ATP9A: variants seen among roughly 807,000 people sequenced by gnomAD.
ATP9A encodes the protein probable phospholipid-transporting ATPase IIA.
ATP9A carries 52 observed loss-of-function variants against 144.1 expected under a neutral mutation model. The ratio of observed to expected loss-of-function variants is 0.36; its 90% confidence interval spans 0.29 to 0.45. The LOEUF is 0.45. Ranked by LOEUF, ATP9A falls within the 20% of genes least tolerant of loss-of-function variation. The pLI, the probability that ATP9A is intolerant of heterozygous loss-of-function variation, is 1.00. For missense variants in ATP9A, 947 were observed against 1,392.7 expected (o/e 0.68, Z 5.09); for synonymous variants, 582 against 557.4 (o/e 1.04, Z -0.62).
chr20:51,665,175 C>T (rs2077427562), intron 13 of ATP9A, among the ~76,000 whole-genome samples: 1 of 151,394 alleles, frequency 6.6e-6, no homozygotes, highest in African/African-American at 2.4e-5. Context: ...TTGTTTGATT[C>T]TATTTATAGG....
At chr20:51,693,575 G>A (rs74620626) in intron 7 of ATP9A, among the ~76,000 whole-genome samples, 1,728 of 152,192 alleles carry the variant, frequency 0.011, 41 homozygotes, top group African/African-American at 0.04. Flanking sequence ...TGCCCAGGCT[G>A]GAGTGCAGTT....
intron 3 of ATP9A, among the ~76,000 whole-genome samples, chr20:51,719,418 T>C (rs947817133): frequency 2.0e-5 from 3 of 152,178 alleles, no homozygotes; most frequent in African/African-American, 7.2e-5. Context: ...AAAAACTATG[T>C]GTATCTTATT....
chr20:51,765,565 T>C (rs1198587475), intron 1 of ATP9A, among the ~76,000 whole-genome samples: 1 of 144,502 alleles, frequency 6.9e-6, no homozygotes, highest in Non-Finnish European at 1.5e-5. Flanking sequence ...TCAAGGAGAA[T>C]CGCTTGAACC....
intron 1 of ATP9A, among the ~76,000 whole-genome samples, chr20:51,750,904 G>A (rs2077828668): frequency 6.6e-6 from 1 of 152,152 alleles, no homozygotes; most frequent in South Asian, 2.1e-4. Flanking sequence ...AAGCCCACCT[G>A]CCTCCTCCCT....
chr20:51,641,948 C>T (rs1365733124), intron 14 of ATP9A, among the ~76,000 whole-genome samples: 2 of 151,984 alleles, frequency 1.3e-5, no homozygotes, highest in Non-Finnish European at 2.9e-5. Context: ...CCTGCCTCCC[C>T]TACTCCCCCT....
intron 9 of ATP9A, among the ~76,000 whole-genome samples, chr20:51,679,481 T>A (rs1346582267): frequency 2.0e-5 from 3 of 151,998 alleles, no homozygotes; most frequent in African/African-American, 4.8e-5. Context: ...ATGGTCCCCA[T>A]CCACCACTAT....
intron 14 of ATP9A, among the ~76,000 whole-genome samples, chr20:51,656,679 G>A (rs1027276432): frequency 3.9e-5 from 6 of 152,228 alleles, no homozygotes; most frequent in Non-Finnish European, 7.4e-5. Context: ...ATGGGACCTT[G>A]TGCCCTGTTA....
intron 9 of ATP9A, among the ~76,000 whole-genome samples, chr20:51,685,447 A>G (rs1282626596): frequency 6.6e-6 from 1 of 151,782 alleles, no homozygotes; most frequent in Non-Finnish European, 1.5e-5. Flanking sequence ...CTATAATCCC[A>G]GCTACTCGGG....
chr20:51,740,059 G>A (rs971702336), intron 1 of ATP9A, among the ~76,000 whole-genome samples: 1 of 152,032 alleles, frequency 6.6e-6, no homozygotes, highest in Non-Finnish European at 1.5e-5. Flanking sequence ...TTGTTTCACT[G>A]TTATTTATTT....
chr20:51,745,610 C>G (rs1040396608), intron 1 of ATP9A, among the ~76,000 whole-genome samples: 2 of 152,074 alleles, frequency 1.3e-5, no homozygotes, highest in Non-Finnish European at 2.9e-5. Context: ...GCCAGGGATA[C>G]TGCTAAACAT....
intron 14 of ATP9A, among the ~76,000 whole-genome samples, chr20:51,651,153 C>CATAT (rs1433056143): frequency 6.9e-5 from 4 of 58,366 alleles, no homozygotes; most frequent in African/African-American, 1.8e-4. Flanking sequence ...TCTCTCTCTC[C>CATAT]ATATATATAT....
intron 1 of ATP9A, among the ~76,000 whole-genome samples, chr20:51,736,194 G>A (rs1456679683): frequency 1.3e-5 from 2 of 152,198 alleles, no homozygotes; most frequent in Non-Finnish European, 2.9e-5. Flanking sequence ...TGCAAAGACT[G>A]GCTGCAGCAG....
chr20:51,620,735 C>G (rs1005083655), intron 19 of ATP9A, among the ~76,000 whole-genome samples: 2 of 152,020 alleles, frequency 1.3e-5, no homozygotes, highest in African/African-American at 4.8e-5. Context: ...TGCAAAAAAC[C>G]GGATACTCGA....
intron 26 of ATP9A, 123 bp from the exon 27 acceptor site, chr20:51,605,143 G>C (rs917930918): frequency 5.1e-6 from 4 of 791,262 alleles, no homozygotes; most frequent in Non-Finnish European, 7.5e-6. Context: ...TGTTACATGA[G>C]GTTAATGACT....
At chr20:51,766,493 T>A (rs952897037) in intron 1 of ATP9A, among the ~76,000 whole-genome samples, 3 of 152,196 alleles carry the variant, frequency 2.0e-5, no homozygotes, top group Admixed American at 1.3e-4. Flanking sequence ...TTACGGAGGA[T>A]GTACGATGTA....
At chr20:51,617,362 G>A in intron 22 of ATP9A, 128 bp downstream of exon 22, 1 of 965,158 alleles carries the variant, frequency 1.0e-6, no homozygotes, top group Non-Finnish European at 1.6e-6. Context: ...AGGTAACTGT[G>A]ACACATGATT....
In ATP9A at chr20:51,688,938, G is replaced by C. The variant is rs1303418070; in HGVS notation, c.799+126C>G. The stretch of plus-strand genomic sequence containing the variant: ...GTCAGTTTAATTCCCTGGAGGTGTC[G>C]GAACAAGTGGAAAATGCCATTTGAC... On this transcript the variant is annotated intron_variant, in intron 9 of 27. Transcript: ENST00000338821. 10 of 1,047,626 alleles carry C rather than the reference G, an allele frequency of 9.5e-6. No homozygotes were observed. In the East Asian group the frequency reaches 2.1e-4, roughly 22 times the overall value. 64.9% of individuals were successfully genotyped at this position (1,047,626 alleles called of 1,614,324 possible). A position where few individuals can be genotyped will look rare whatever the true frequency, so the allele number is the denominator to read the frequency against.
chr20:51,668,986 T>C (rs757159460), intron 13 of ATP9A, among the ~76,000 whole-genome samples: 1 of 152,240 alleles, frequency 6.6e-6, no homozygotes, highest in Non-Finnish European at 1.5e-5. Context: ...TATTTCTTAC[T>C]GGTCTTCTGA....
Position 51,606,996 on chromosome 20 carries a change from GC to G in ATP9A, c.2803+530del, listed in dbSNP as rs577906815. On this transcript the variant is annotated intron_variant, in intron 26 of 27. Coordinates refer to ENST00000338821, the MANE Select transcript of ATP9A (RefSeq NM_006045.3). ...TAGAAATACTAAAAAAGGATTCTGG[GC>G]ATGGTGGCTTTGCCCTGTGTCTCAA... is the stretch of plus-strand genomic sequence containing the variant. Among the ~76,000 whole-genome samples the G allele has an allele frequency of 1.3e-3, 199 of 150,790 alleles. 1 individual carries two copies. Among genetic ancestry groups the G allele is most frequent in the Middle Eastern group, 3.4e-3 (1 of 290 alleles).
Sources: gnomAD v4.1 joint callset for allele counts (sites outside exome capture counted in the v4.1 genomes callset) on GRCh38, gnomAD v4.1.1 for gene constraint, MANE v1.5 for transcripts, NCBI Gene and HGNC (gene_info 2026-07-23, HGNC 2026-07-21) for gene names.